DNAH10: variants seen among roughly 807,000 people sequenced by gnomAD.
The protein encoded by DNAH10 is axonemal beta dynein heavy chain 10.
A neutral mutation model predicts 506.6 loss-of-function variants in DNAH10; 348 were observed. The observed-to-expected ratio is 0.69, with a 90% CI of 0.63 to 0.75. DNAH10 has a LOEUF of 0.75. DNAH10 is among the 30% of genes least tolerant of loss of function. The pLI, the probability that DNAH10 is intolerant of heterozygous loss-of-function variation, is 0.00. For missense variants in DNAH10, 5,179 were observed against 5,787.1 expected (o/e 0.89, Z 3.41); for synonymous variants, 2,059 against 2,198.6 (o/e 0.94, Z 1.78).
At chr12:123,848,153 A>G in intron 33 of DNAH10, 58 bp downstream of exon 33, 1 of 1,567,852 alleles carries the variant, frequency 6.4e-7, no homozygotes, top group East Asian at 2.3e-5. Flanking sequence ...TTAAAGCAGG[A>G]CATGGCATTT....
Position 123,929,678 on chromosome 12 carries a change from T to C in DNAH10, c.12531T>C (p.Ile4177=), listed in dbSNP as rs969298091. The C allele has an allele frequency of 1.2e-6, 2 of 1,613,414 alleles. No individual in the cohort carries two copies. The highest frequency in any genetic ancestry group is 1.7e-6 in the Non-Finnish European group (2 of 1,179,650). Residue 4177 remains isoleucine (I), a synonymous_variant, in exon 72 of 79, where the codon ATT becomes ATC. Coordinates refer to ENST00000673944, the MANE Select transcript of DNAH10 (RefSeq NM_001372106.1). ...CTTCTTTCAAGGTCTGCATGGAAAT[T>C]CTGAACACGTACTTAACGAAAGCCT... is the stretch of plus-strand genomic sequence containing the variant. ...NESDFQVCME[I]LNTYLTKAFQ... is the part of the protein sequence containing the mutation.
chr12:123,881,076 G>C (rs1337093189), intron 50 of DNAH10, among the ~76,000 whole-genome samples: 3 of 152,092 alleles, frequency 2.0e-5, no homozygotes, highest in African/African-American at 7.2e-5. Context: ...TTGGTTCCAA[G>C]TCTTTGCTAT....
chr12:123,875,556 G>A, intron 47 of DNAH10, 65 bp downstream of exon 47: 13 of 1,594,654 alleles, frequency 8.2e-6, no homozygotes, highest in African/African-American at 1.3e-5. Flanking sequence ...CATACACAGG[G>A]CTGACTTATC....
chr12:123,835,862 T>C (rs942696510), intron 28 of DNAH10, among the ~76,000 whole-genome samples: 1 of 152,222 alleles, frequency 6.6e-6, no homozygotes, highest in Admixed American at 6.5e-5. Context: ...TAGCCTCAAC[T>C]GACTCTCCCA....
intron 48 of DNAH10, 51 bp from the exon 49 acceptor site, chr12:123,879,213 G>C (rs1176775682): frequency 1.3e-6 from 2 of 1,492,258 alleles, no homozygotes; most frequent in South Asian, 1.2e-5. Context: ...CGTCAGCCCT[G>C]GTATCCTTCA....
chr12:123,838,362 C>A, intron 28 of DNAH10, 94 bp from the exon 29 acceptor site: 2 of 1,126,818 alleles, frequency 1.8e-6, no homozygotes, highest in Non-Finnish European at 2.5e-6. Flanking sequence ...TCGGCCGTGC[C>A]TGGGCTCTGG....
intron 54 of DNAH10, among the ~76,000 whole-genome samples, chr12:123,895,923 G>C (rs939978261): frequency 1.8e-4 from 27 of 151,994 alleles, no homozygotes; most frequent in Non-Finnish European, 5.9e-5. Context: ...GACCAGCCTG[G>C]GCAAAATGGT....
intron 6 of DNAH10, among the ~76,000 whole-genome samples, chr12:123,782,326 C>T (rs923786181): frequency 2.0e-5 from 2 of 97,912 alleles, no homozygotes; most frequent in African/African-American, 8.2e-5. Flanking sequence ...TTTGCCCTGC[C>T]CTGCCTCCCC....
intron 56 of DNAH10, 125 bp downstream of exon 56, chr12:123,898,939 A>C: frequency 7.2e-7 from 1 of 1,384,134 alleles, no homozygotes. Context: ...TCCCTGTGAA[A>C]CTGCTTGTAG....
intron 44 of DNAH10, among the ~76,000 whole-genome samples, chr12:123,870,775 C>T (rs1390746816): frequency 6.6e-6 from 1 of 152,190 alleles, no homozygotes; most frequent in African/African-American, 2.4e-5. Context: ...CCTCCCCTGG[C>T]CTTTCCCTGG....
chr12:123,851,949 A>AT (rs1414348462), intron 35 of DNAH10, among the ~76,000 whole-genome samples: 2 of 152,014 alleles, frequency 1.3e-5, no homozygotes, highest in Non-Finnish European at 2.9e-5. Flanking sequence ...AATCTTGCTT[A>AT]TTTTTTGTAG....
chr12:123,901,502 G>A (rs1224690514), intron 56 of DNAH10, among the ~76,000 whole-genome samples: 1 of 152,206 alleles, frequency 6.6e-6, no homozygotes, highest in Non-Finnish European at 1.5e-5. Flanking sequence ...TGTTAGCTGT[G>A]GAGATGGGTT....
At chr12:123,932,135 C>T in intron 76 of DNAH10, 27 bp downstream of exon 76, 1 of 1,612,084 alleles carries the variant, frequency 6.2e-7, no homozygotes, top group African/African-American at 1.3e-5. Flanking sequence ...CGCCTCCTCT[C>T]TGCCGATTCA....
Position 123,799,356 on chromosome 12 carries a change from G to C in DNAH10, c.2274G>C (p.Lys758Asn), listed in dbSNP as rs1268759471. ...TEQVLPALMK[K>N]SLLTKSSIAT... is the part of the protein sequence containing the mutation. ...AGGTGCTGCCAGCTCTCATGAAGAAGAGCCTTTTGACCAAGGTGCGCTGCC... is the reference window on the plus strand; with the variant it reads ...AGGTGCTGCCAGCTCTCATGAAGAACAGCCTTTTGACCAAGGTGCGCTGCC... Residue 758 changes from lysine (K) to asparagine (N), a missense_variant, in exon 14 of 79, where the codon AAG (lysine) becomes AAC (asparagine). Transcript: ENST00000673944. The C allele has an allele frequency of 1.2e-6, 2 of 1,612,164 alleles. 1 individual carries two copies. The highest frequency in any genetic ancestry group is 1.7e-6 in the Non-Finnish European group (2 of 1,178,680).
intron 32 of DNAH10, 50 bp from the exon 33 acceptor site, chr12:123,847,911 C>T (rs2136684272): frequency 1.3e-6 from 2 of 1,557,214 alleles, no homozygotes; most frequent in Non-Finnish European, 1.7e-6. Context: ...ATGACACCCA[C>T]TTCCTTCTGT....
chr12:123,808,044 GTT>G (rs1282326330), intron 18 of DNAH10, among the ~76,000 whole-genome samples: 1 of 127,568 alleles, frequency 7.8e-6, no homozygotes, highest in Admixed American at 8.0e-5. Flanking sequence ...GTTTTGTTTT[GTT>G]TTTTGAGACA....
intron 45 of DNAH10, among the ~76,000 whole-genome samples, chr12:123,872,826 A>C (rs61174884): frequency 0.012 from 1,773 of 152,248 alleles, 25 homozygotes; most frequent in Middle Eastern, 0.037. Flanking sequence ...AAAATAGCAA[A>C]ACAAAAACAC....
intron 28 of DNAH10, among the ~76,000 whole-genome samples, chr12:123,838,078 A>G (rs1961364421): frequency 6.6e-6 from 1 of 152,152 alleles, no homozygotes; most frequent in African/African-American, 2.4e-5. Context: ...CAAATTGCTC[A>G]CAGTGGAATT....
intron 52 of DNAH10, among the ~76,000 whole-genome samples, chr12:123,889,986 T>C (rs1296624295): frequency 6.6e-6 from 1 of 152,174 alleles, no homozygotes; most frequent in African/African-American, 2.4e-5. Context: ...ACCCCTGTGA[T>C]CGTCTCCAGC....
Sources: gnomAD v4.1 joint callset for allele counts (sites outside exome capture counted in the v4.1 genomes callset) on GRCh38, gnomAD v4.1.1 for gene constraint, MANE v1.5 for transcripts, NCBI Gene and HGNC (gene_info 2026-07-23, HGNC 2026-07-21) for gene names.